The following DNAJB6 variants were observed in gnomAD, a reference collection of about 807,000 sequenced individuals.
DNAJB6 encodes the protein dnaJ homolog subfamily B member 6.
A neutral mutation model predicts 42.7 loss-of-function variants in DNAJB6; 16 were observed. That is an observed-to-expected ratio of 0.37 (90% CI 0.25 to 0.57). The LOEUF is 0.57. Among genes scored for constraint, DNAJB6 ranks in the 20% least tolerant of loss-of-function variants. DNAJB6 has a pLI of 0.74. For missense variants in DNAJB6, 347 were observed against 416.8 expected (o/e 0.83, Z 1.46); for synonymous variants, 170 against 163.5 (o/e 1.04, Z -0.30).
At chr7:157,390,987 A>T (rs1389791294) in intron 8 of DNAJB6, among the ~76,000 whole-genome samples, 1 of 152,164 alleles carries the variant, frequency 6.6e-6, no homozygotes, top group Non-Finnish European at 1.5e-5. Context: ...GGTGTGCGAC[A>T]CAACGCCTGG....
chr7:157,390,716 C>T (rs1374255897), intron 8 of DNAJB6, among the ~76,000 whole-genome samples: 1 of 152,236 alleles, frequency 6.6e-6, no homozygotes, highest in Admixed American at 6.5e-5. Context: ...CTTCCCACAG[C>T]TGCCCTGAGT....
intron 8 of DNAJB6, among the ~76,000 whole-genome samples, chr7:157,406,899 C>T (rs1183180387): frequency 1.3e-5 from 2 of 152,220 alleles, no homozygotes; most frequent in Non-Finnish European, 2.9e-5. Flanking sequence ...CTGAAGGCAG[C>T]GCGTTTCTCT....
chr7:157,386,655 G>A (rs1801075872), intron 8 of DNAJB6, among the ~76,000 whole-genome samples: 1 of 152,166 alleles, frequency 6.6e-6, no homozygotes, highest in African/African-American at 2.4e-5. Flanking sequence ...GGCTGAGGCG[G>A]GTGGATCACC....
At chr7:157,391,551 CAGTT>C (rs796108841) in intron 8 of DNAJB6, among the ~76,000 whole-genome samples, 68 of 152,368 alleles carry the variant, frequency 4.5e-4, no homozygotes, top group African/African-American at 1.6e-3. Context: ...AAGTTTCCCT[CAGTT>C]GGGGTCTGTG....
chr7:157,375,974 A>G (rs1430062910), intron 5 of DNAJB6, among the ~76,000 whole-genome samples: 1 of 152,112 alleles, frequency 6.6e-6, no homozygotes, highest in African/African-American at 2.4e-5. Context: ...CACTTGGGGA[A>G]TTGACAGTGG....
rs571319286 is a variant in DNAJB6 at position 157,347,473 on chromosome 7, C to G, written c.-27+10329C>G. 2.0e-5 allele frequency among the ~76,000 whole-genome samples: 3 copies of G among 152,314 alleles called. No individual in the cohort carries two copies. The East Asian group carries it at 5.8e-4, about 29-fold the overall frequency. On this transcript the variant is annotated intron_variant, in intron 1 of 9. Coordinates refer to ENST00000262177, the MANE Select transcript of DNAJB6 (RefSeq NM_058246.4). ...CCTCCTGCCTCAGCCTTCTGAGTCACTGGGACTTTAGGTGCACGTGACTGT... is the reference window on the plus strand; with the variant it reads ...CCTCCTGCCTCAGCCTTCTGAGTCAGTGGGACTTTAGGTGCACGTGACTGT...
chr7:157,366,936 C>T (rs1251105353), intron 4 of DNAJB6, among the ~76,000 whole-genome samples: 4 of 152,202 alleles, frequency 2.6e-5, no homozygotes, highest in Admixed American at 1.3e-4. Flanking sequence ...AAAGTTCCCA[C>T]GGTCACTGGG....
chr7:157,392,099 C>CAAAAA (rs57861175), intron 8 of DNAJB6, among the ~76,000 whole-genome samples: 55 of 112,234 alleles, frequency 4.9e-4, no homozygotes, highest in African/African-American at 1.3e-3. Context: ...GACCCTGTCT[C>CAAAAA]AAAAAAAAAA....
At chr7:157,352,700 C>T (rs1356676111) in intron 1 of DNAJB6, among the ~76,000 whole-genome samples, 1 of 152,112 alleles carries the variant, frequency 6.6e-6, no homozygotes, top group Non-Finnish European at 1.5e-5. Context: ...TCTACTTCAT[C>T]ACAAGCAGGT....
chr7:157,374,137 C>T (rs565300321), intron 5 of DNAJB6, among the ~76,000 whole-genome samples: 6 of 151,750 alleles, frequency 4.0e-5, no homozygotes, highest in South Asian at 2.1e-4. Context: ...TGGGCAGTCC[C>T]GCCCGGCATC....
intron 1 of DNAJB6, chr7:157,337,627 A>C (rs1196072015): frequency 6.6e-6 from 1 of 152,238 alleles, no homozygotes; most frequent in Non-Finnish European, 1.5e-5. Context: ...GAGAAGAAGC[A>C]GGTGGGGGAC....
intron 1 of DNAJB6, 66 bp from the exon 2 acceptor site, chr7:157,358,481 C>T (rs983140416): frequency 2.9e-6 from 3 of 1,043,434 alleles, no homozygotes; most frequent in East Asian, 4.8e-5. Flanking sequence ...TCTCCAGACC[C>T]ATCCCACCAC....
At position 157,337,009 on chromosome 7, in the gene DNAJB6, T is replaced by A. The variant is rs945566058; in HGVS notation, c.-162T>A. 1 of 152,490 alleles carries A rather than the reference T, an allele frequency of 6.6e-6. No homozygotes were observed. The allele number at this position is 152,490 out of a possible 1,614,324, so 9.4% of individuals were successfully genotyped here. On this transcript the variant is annotated 5_prime_UTR_variant, in exon 1 of 10. Coordinates refer to ENST00000262177, the MANE Select transcript of DNAJB6 (RefSeq NM_058246.4). ...GCCGCCGCGTGACGCATTTCCTGTT[T>A]GTTGTTGGAGAAAGGAGAGAAAGGA...
At chr7:157,340,404 A>G (rs567572540) in intron 1 of DNAJB6, among the ~76,000 whole-genome samples, 30 of 152,320 alleles carry the variant, frequency 2.0e-4, no homozygotes, top group African/African-American at 6.3e-4. Context: ...TGAGAATATC[A>G]AACTCAAAAA....
intron 1 of DNAJB6, among the ~76,000 whole-genome samples, chr7:157,345,789 A>C (rs555781276): frequency 2.2e-4 from 33 of 152,268 alleles, no homozygotes; most frequent in Non-Finnish European, 3.8e-4. Context: ...CATGGTTTTA[A>C]AAAGGTTTTT....
In DNAJB6 at chr7:157,363,363, C is replaced by CT. The variant is rs890731835; in HGVS notation, c.175+94dup. On this transcript the variant is annotated intron_variant, in intron 3 of 9. Transcript: ENST00000262177. ...CCTCCTCAGGGTAGCACAGTATGGACTCAAGTGACTTGTTTTTGATGCCTA... is the reference window on the plus strand; with the variant it reads ...CCTCCTCAGGGTAGCACAGTATGGACTTCAAGTGACTTGTTTTTGATGCCTA... The CT allele has an allele frequency of 4.0e-5, 29 of 729,806 alleles. No homozygotes were observed. The African/African-American group carries it at 4.3e-4, about 11-fold the overall frequency. The allele number at this position is 729,806 out of a possible 1,614,324, so 45.2% of individuals were successfully genotyped here.
intron 6 of DNAJB6, among the ~76,000 whole-genome samples, chr7:157,384,139 C>T (rs1584926489): frequency 6.6e-6 from 1 of 152,066 alleles, no homozygotes; most frequent in African/African-American, 2.4e-5. Flanking sequence ...GCTTTAATAT[C>T]GAAAAATAGG....
At chr7:157,374,030 AAAAG>A (rs1193124198) in intron 5 of DNAJB6, among the ~76,000 whole-genome samples, 2 of 152,132 alleles carry the variant, frequency 1.3e-5, no homozygotes, top group African/African-American at 4.8e-5. Flanking sequence ...ATTTAAGAAA[AAAAG>A]GTTAAAAAAT....
chr7:157,366,885 A>G (rs573654502), intron 4 of DNAJB6, among the ~76,000 whole-genome samples: 7 of 152,340 alleles, frequency 4.6e-5, no homozygotes, highest in Admixed American at 3.9e-4. Flanking sequence ...TTTCCTGAAA[A>G]GCTAAAATAA....
Sources: gnomAD v4.1 joint callset for allele counts (sites outside exome capture counted in the v4.1 genomes callset) on GRCh38, gnomAD v4.1.1 for gene constraint, MANE v1.5 for transcripts, NCBI Gene and HGNC (gene_info 2026-07-23, HGNC 2026-07-21) for gene names.